OTUD7A: variants seen among roughly 807,000 people sequenced by gnomAD.
The protein encoded by OTUD7A is OTU deubiquitinase 7A.
Under a neutral mutation model 65.7 loss-of-function variants are expected in OTUD7A, and 12 were observed. The observed-to-expected ratio is 0.18, with a 90% CI of 0.12 to 0.30. The LOEUF (loss-of-function observed/expected upper bound fraction) is 0.30. Among genes scored for constraint, OTUD7A ranks in the 10% least tolerant of loss-of-function variants. The pLI, the probability that OTUD7A is intolerant of heterozygous loss-of-function variation, is 1.00. For missense variants in OTUD7A, 1,148 were observed against 1,304.8 expected, an observed-to-expected ratio of 0.88 and a Z score of 1.85; for synonymous variants, 641 against 586.3, an observed-to-expected ratio of 1.09 and a Z score of -1.35.
chr15:31,857,704 C>T (rs961315701), intron 1 of OTUD7A, among the ~76,000 whole-genome samples: 1 of 152,232 alleles, frequency 6.6e-6, no homozygotes, highest in Non-Finnish European at 1.5e-5. Context: ...TCCTTCAACA[C>T]TTGGCTTTCC....
intron 3 of OTUD7A, among the ~76,000 whole-genome samples, chr15:31,621,166 T>C (rs1566947253): frequency 1.3e-5 from 2 of 152,060 alleles, no homozygotes; most frequent in East Asian, 3.9e-4. Context: ...TTACATTTGC[T>C]GAGGAGTGTT....
chr15:31,634,998 G>C (rs1339677813), intron 3 of OTUD7A, among the ~76,000 whole-genome samples: 1 of 152,214 alleles, frequency 6.6e-6, no homozygotes, highest in African/African-American at 2.4e-5. Context: ...TGACAGGAAG[G>C]AAATCAGCTC....
intron 1 of OTUD7A, among the ~76,000 whole-genome samples, chr15:31,770,564 T>C (rs1895207676): frequency 6.6e-6 from 1 of 152,196 alleles, no homozygotes; most frequent in Admixed American, 6.5e-5. Context: ...GCTCAACTTA[T>C]TCTATGAAGT....
Position 31,794,638 on chromosome 15 carries a change from A to T in OTUD7A, c.-100+75869T>A, listed in dbSNP as rs56846226. On this transcript the variant is annotated intron_variant, in intron 1 of 12. Transcript: ENST00000307050. ...GGCCGGGAATAGAATAGTGAAAAAA[A>T]AAAAAAAAATCCTAACTTTATGGGA... Among the ~76,000 whole-genome samples the T allele has an allele frequency of 6.9e-3, 1,054 of 151,798 alleles. 19 individuals carry two copies. Among genetic ancestry groups the T allele is most frequent in the African/African-American group, 0.024 (995 of 41,466 alleles).
intron 3 of OTUD7A, among the ~76,000 whole-genome samples, chr15:31,616,527 A>C (rs547054582): frequency 6.6e-6 from 1 of 152,306 alleles, no homozygotes; most frequent in Non-Finnish European, 1.5e-5. Flanking sequence ...GCATAAACTA[A>C]GAATAGCTTT....
Position 31,475,807 on chromosome 15 carries a change from CAG to C in OTUD7A, c.*7485_*7486del, listed in dbSNP as rs1371624278. ...TGTGATTGACGACCTACTTTTGCCT[CAG>C]TGTTTTCCTTTGTCCACAGTAATCA... On this transcript the variant is annotated 3_prime_UTR_variant, in exon 13 of 13. Coordinates refer to ENST00000307050, the MANE Select transcript of OTUD7A (RefSeq NM_001382637.1). 1.3e-5 allele frequency: 2 copies of C among 152,162 alleles called. No homozygotes were observed. The highest frequency in any genetic ancestry group is 6.5e-5 in the Admixed American group (1 of 15,276). The allele number at this position is 152,162 out of a possible 1,614,324, so 9.4% of individuals were successfully genotyped here. A position where few individuals can be genotyped will look rare whatever the true frequency, so the allele number is the denominator to read the frequency against.
intron 1 of OTUD7A, among the ~76,000 whole-genome samples, chr15:31,726,918 C>T (rs1282542541): frequency 6.6e-5 from 10 of 152,212 alleles, no homozygotes; most frequent in Admixed American, 5.2e-4. Flanking sequence ...ACACATGCGG[C>T]CTGCTTCACT....
chr15:31,860,801 G>A (rs1897720196), intron 1 of OTUD7A, among the ~76,000 whole-genome samples: 1 of 147,948 alleles, frequency 6.8e-6, no homozygotes, highest in South Asian at 2.2e-4. Context: ...CGCCTCCTGG[G>A]TTCACGCCAT....
intron 5 of OTUD7A, among the ~76,000 whole-genome samples, chr15:31,553,393 G>A (rs1276420679): frequency 6.6e-6 from 1 of 152,092 alleles, no homozygotes; most frequent in Non-Finnish European, 1.5e-5. Flanking sequence ...TTGGGGGCAT[G>A]GTGGGAGGGT....
At chr15:31,732,915 C>T (rs1237217463) in intron 1 of OTUD7A, among the ~76,000 whole-genome samples, 1 of 152,140 alleles carries the variant, frequency 6.6e-6, no homozygotes, top group African/African-American at 2.4e-5. Flanking sequence ...GCTAGGGTTG[C>T]AAAAAATCTT....
chr15:31,560,416 C>G (rs567561377), intron 4 of OTUD7A, among the ~76,000 whole-genome samples: 40 of 152,318 alleles, frequency 2.6e-4, no homozygotes, highest in African/African-American at 8.7e-4. Flanking sequence ...CTCTAAGGTA[C>G]AATATGTTAC....
chr15:31,779,165 A>G (rs1005252725), intron 1 of OTUD7A, among the ~76,000 whole-genome samples: 3 of 152,116 alleles, frequency 2.0e-5, no homozygotes, highest in African/African-American at 7.2e-5. Context: ...TCCATTCCTC[A>G]CCCAGGTGCC....
intron 10 of OTUD7A, among the ~76,000 whole-genome samples, chr15:31,494,333 C>T (rs974290236): frequency 2.6e-5 from 4 of 152,178 alleles, no homozygotes; most frequent in Non-Finnish European, 4.4e-5. Flanking sequence ...CTCTTGGCCA[C>T]GTGAGGACAC....
chr15:31,848,386 C>T (rs1461468384), intron 1 of OTUD7A, among the ~76,000 whole-genome samples: 1 of 152,128 alleles, frequency 6.6e-6, no homozygotes. Flanking sequence ...AGCATCAAAC[C>T]CTGAACTTTA....
intron 5 of OTUD7A, among the ~76,000 whole-genome samples, chr15:31,552,120 C>G (rs188161678): frequency 6.6e-6 from 1 of 152,266 alleles, no homozygotes; most frequent in African/African-American, 2.4e-5. Context: ...TCTGGCACCT[C>G]CTCTCTTGCT....
chr15:31,630,478 C>A (rs978399544), intron 3 of OTUD7A, among the ~76,000 whole-genome samples: 3 of 152,106 alleles, frequency 2.0e-5, no homozygotes, highest in Non-Finnish European at 2.9e-5. Flanking sequence ...AATTTCTGTT[C>A]TTTTACATTT....
At chr15:31,805,043 C>T (rs1217134904) in intron 1 of OTUD7A, among the ~76,000 whole-genome samples, 1 of 152,248 alleles carries the variant, frequency 6.6e-6, no homozygotes, top group Admixed American at 6.5e-5. Flanking sequence ...GCTGGCCAGG[C>T]ATCTTGAACA....
At chr15:31,750,321 T>G (rs778615355) in intron 1 of OTUD7A, among the ~76,000 whole-genome samples, 1 of 143,362 alleles carries the variant, frequency 7.0e-6, no homozygotes. Context: ...GGCTTGAGAA[T>G]AGCCTGAACT....
intron 1 of OTUD7A, among the ~76,000 whole-genome samples, chr15:31,806,499 G>T (rs138189071): frequency 1.5e-4 from 23 of 152,142 alleles, no homozygotes; most frequent in Non-Finnish European, 2.1e-4. Flanking sequence ...CATTAAAAAG[G>T]CCTGTTACAA....
Sources: gnomAD v4.1 joint callset for allele counts (sites outside exome capture counted in the v4.1 genomes callset) on GRCh38, gnomAD v4.1.1 for gene constraint, MANE v1.5 for transcripts, NCBI Gene and HGNC (gene_info 2026-07-23, HGNC 2026-07-21) for gene names.